The following ATRNL1 variants were observed in gnomAD, a reference collection of about 807,000 sequenced individuals.
The protein encoded by ATRNL1 is attractin like 1.
ATRNL1 carries 95 observed loss-of-function variants against 182.7 expected under a neutral mutation model. The ratio of observed to expected loss-of-function variants is 0.52; its 90% confidence interval spans 0.44 to 0.62. The LOEUF (loss-of-function observed/expected upper bound fraction) is 0.62, where lower values mean the gene tolerates loss of function less well. Among genes scored for constraint, ATRNL1 ranks in the 20% least tolerant of loss-of-function variants. ATRNL1 has a pLI of 0.00. For missense variants in ATRNL1, 1,471 were observed against 1,679.5 expected (o/e 0.88, Z 2.17); for synonymous variants, 576 against 568.3 (o/e 1.01, Z -0.19).
intron 26 of ATRNL1, among the ~76,000 whole-genome samples, chr10:115,694,172 GCACACACACACA>G (rs71010040): frequency 6.8e-6 from 1 of 146,824 alleles, no homozygotes; most frequent in Non-Finnish European, 1.5e-5. Context: ...CTACACAGAC[GCACACACACACA>G]CACACACACA....
At chr10:115,369,274 G>A (rs1452455555) in intron 19 of ATRNL1, among the ~76,000 whole-genome samples, 1 of 131,358 alleles carries the variant, frequency 7.6e-6, no homozygotes, top group Non-Finnish European at 1.6e-5. Context: ...GGGGGATGGG[G>A]TAATTCTTTG....
At chr10:115,903,777 G>T (rs918711732) in intron 28 of ATRNL1, among the ~76,000 whole-genome samples, 1 of 150,158 alleles carries the variant, frequency 6.7e-6, no homozygotes, top group Admixed American at 6.8e-5. Flanking sequence ...TTGTGAAGTG[G>T]TTTGCAAAAT....
At chr10:115,713,611 A>ATT (rs1947137908) in intron 26 of ATRNL1, among the ~76,000 whole-genome samples, 1 of 5,180 alleles carries the variant, frequency 1.9e-4, no homozygotes, top group African/African-American at 2.1e-4. Flanking sequence ...CATTCTGTTT[A>ATT]TATATATACA....
chr10:115,314,761 A>T (rs1854208378), intron 17 of ATRNL1, among the ~76,000 whole-genome samples: 1 of 152,172 alleles, frequency 6.6e-6, no homozygotes, highest in African/African-American at 2.4e-5. Context: ...ACTTCACCAT[A>T]TTCATAGGCT....
At chr10:115,582,468 T>G (rs2133889956) in intron 26 of ATRNL1, among the ~76,000 whole-genome samples, 1 of 133,930 alleles carries the variant, frequency 7.5e-6, no homozygotes, top group South Asian at 2.9e-4. Context: ...CTCATTGTGG[T>G]TTTGATTTGC....
chr10:115,201,018 A>T (rs1377476754), intron 8 of ATRNL1, among the ~76,000 whole-genome samples: 4 of 150,576 alleles, frequency 2.7e-5, no homozygotes, highest in African/African-American at 9.8e-5. Context: ...TGGCTGCATA[A>T]ATGTCTTCTT....
At chr10:115,138,451 A>G (rs782655061) in intron 5 of ATRNL1, among the ~76,000 whole-genome samples, 93 of 152,260 alleles carry the variant, frequency 6.1e-4, no homozygotes, top group African/African-American at 2.1e-3. Flanking sequence ...AGGCATTTTC[A>G]TACATCCTCC....
intron 26 of ATRNL1, among the ~76,000 whole-genome samples, chr10:115,636,770 A>T (rs1345463235): frequency 6.6e-6 from 1 of 152,244 alleles, no homozygotes; most frequent in Non-Finnish European, 1.5e-5. Flanking sequence ...ACATAGCAAT[A>T]TTATTCACAG....
chr10:115,156,074 T>C (rs1439451528), intron 5 of ATRNL1, among the ~76,000 whole-genome samples: 2 of 152,072 alleles, frequency 1.3e-5, no homozygotes, highest in Non-Finnish European at 2.9e-5. Flanking sequence ...TAGTTATCTA[T>C]TGTAGGGAGG....
At chr10:115,330,945 C>T in intron 18 of ATRNL1, among the ~76,000 whole-genome samples, 1 of 151,830 alleles carries the variant, frequency 6.6e-6, no homozygotes, top group Non-Finnish European at 1.5e-5. Flanking sequence ...TTTCATAGAA[C>T]CTCTGTGTTT....
intron 19 of ATRNL1, among the ~76,000 whole-genome samples, chr10:115,359,609 C>T (rs1485085364): frequency 2.0e-5 from 3 of 151,428 alleles, no homozygotes; most frequent in Non-Finnish European, 4.4e-5. Flanking sequence ...TTCCCATTCT[C>T]ATAACTCTTA....
intron 27 of ATRNL1, among the ~76,000 whole-genome samples, chr10:115,824,086 A>T (rs1211357083): frequency 6.6e-6 from 1 of 152,200 alleles, no homozygotes; most frequent in Non-Finnish European, 1.5e-5. Flanking sequence ...AGATATGTAG[A>T]CCAATGGAAC....
chr10:115,443,355 GCTCT>G (rs2134453856), intron 21 of ATRNL1, among the ~76,000 whole-genome samples: 1 of 151,910 alleles, frequency 6.6e-6, no homozygotes, highest in South Asian at 2.1e-4. Flanking sequence ...CAGTCTGTGG[GCTCT>G]CTTTTTATAG....
At chr10:115,128,826 CAAAAA>C (rs369416130) in intron 4 of ATRNL1, among the ~76,000 whole-genome samples, 2 of 110,540 alleles carry the variant, frequency 1.8e-5, no homozygotes, top group African/African-American at 3.3e-5. Flanking sequence ...GACTGTGTCT[CAAAAA>C]AAAAAAAAAA....
chr10:115,322,511 T>C (rs568356548), intron 18 of ATRNL1, among the ~76,000 whole-genome samples: 8 of 152,108 alleles, frequency 5.3e-5, no homozygotes, highest in South Asian at 2.1e-4. Flanking sequence ...TAAAAATAAT[T>C]CCTTAAAAAT....
chr10:115,856,869 T>C (rs1314898626), intron 28 of ATRNL1, among the ~76,000 whole-genome samples: 3 of 152,104 alleles, frequency 2.0e-5, no homozygotes, highest in Non-Finnish European at 4.4e-5. Context: ...GTATGCAGCC[T>C]GGGGTTGGGA....
Position 115,116,047 on chromosome 10 carries a change from A to G in ATRNL1, c.294-4138A>G, listed in dbSNP as rs557895048. Among the ~76,000 whole-genome samples, 4 of 152,208 alleles carry G rather than the reference A, an allele frequency of 2.6e-5. No individual in the cohort carries two copies. The East Asian group carries it at 7.7e-4, about 29-fold the overall frequency. On this transcript the variant is annotated intron_variant, in intron 1 of 28. Coordinates refer to ENST00000355044, the MANE Select transcript of ATRNL1 (RefSeq NM_207303.4). ...CAAGTGATTGGCAAACTTTTTCTGA[A>G]AAGGGCCAGATAGTAGATATTTTAG...
intron 5 of ATRNL1, among the ~76,000 whole-genome samples, chr10:115,148,604 A>T (rs547952034): frequency 6.6e-6 from 1 of 152,174 alleles, no homozygotes; most frequent in African/African-American, 2.4e-5. Flanking sequence ...GTTGTCTCGC[A>T]CTAAGGAAAT....
intron 26 of ATRNL1, among the ~76,000 whole-genome samples, chr10:115,569,781 T>C (rs1266024382): frequency 1.4e-5 from 1 of 72,470 alleles, no homozygotes; most frequent in East Asian, 4.7e-3. Context: ...AAATACTTTT[T>C]TTTTTTTTTT....
Sources: allele counts gnomAD v4.1 joint callset (sites outside exome capture counted in the v4.1 genomes callset), GRCh38; gene constraint gnomAD v4.1.1; transcripts MANE v1.5; gene names NCBI Gene and HGNC (gene_info 2026-07-23, HGNC 2026-07-21).